Variants in FRAS1 observed in about 807,000 individuals in gnomAD.
FRAS1 encodes extracellular matrix organizing protein FRAS1.
Under a neutral mutation model 435.2 loss-of-function variants are expected in FRAS1, and 290 were observed. The ratio of observed to expected loss-of-function variants is 0.67; its 90% CI spans 0.61 to 0.73. The LOEUF (loss-of-function observed/expected upper bound fraction) is 0.73. Ranked by LOEUF, FRAS1 falls within the 30% of genes least tolerant of loss-of-function variation. FRAS1 has a pLI of 0.00. For synonymous variants in FRAS1, 1,800 were observed against 1,851.0 expected, an observed-to-expected ratio of 0.97 and a Z score of 0.71; for missense variants, 4,860 against 5,001.5, an observed-to-expected ratio of 0.97 and a Z score of 0.85.
intron 30 of FRAS1, among the ~76,000 whole-genome samples, chr4:78,406,677 T>TTAC (rs1578303652): frequency 1.6e-5 from 2 of 127,128 alleles, no homozygotes; most frequent in East Asian, 6.0e-4. Flanking sequence ...AGAAAGATGA[T>TTAC]CTTTAAGCAC....
chr4:78,261,635 T>C (rs1020213010), intron 6 of FRAS1, among the ~76,000 whole-genome samples: 3 of 150,890 alleles, frequency 2.0e-5, no homozygotes, highest in Non-Finnish European at 4.4e-5. Flanking sequence ...AGAAACACCC[T>C]TATCTCCGAA....
rs769796411 is a variant in FRAS1 at position 78,469,998 on chromosome 4, G to A, written c.7278G>A (p.Gln2426=). The change falls in exon 51 of 74, where the codon CAG becomes CAA. Residue 2426 remains glutamine (Q), a synonymous_variant. Coordinates refer to ENST00000512123, the MANE Select transcript of FRAS1 (RefSeq NM_025074.7). ...TTCAGATTATGACAGCAGCACCTCA[G>A]CCGTTCCGAGTAGACATCCTCCCGG... ...GGKEIMTAAP[Q]PFRVDILPVD... The A allele has an allele frequency of 6.2e-7, 1 of 1,613,584 alleles. No homozygotes were observed. The highest frequency in any genetic ancestry group is 1.1e-5 in the South Asian group (1 of 91,018).
At position 78,278,688 on chromosome 4, in the gene FRAS1, T is replaced by C; in HGVS notation, c.1015T>C (p.Cys339Arg). Residue 339 changes from cysteine (C) to arginine (R), a missense_variant, in exon 10 of 74, where the codon TGT becomes CGT. Transcript: ENST00000512123. ...ATTAATTCACTTAGATGGAAAGTGTTGTCCTGAATGCATTTCAAGGAATGG... is the reference window on the plus strand; with the variant it reads ...ATTAATTCACTTAGATGGAAAGTGTCGTCCTGAATGCATTTCAAGGAATGG... ...EELIHLDGKC[C>R]PECISRNGYC... 2 of 1,607,324 alleles carry C rather than the reference T, an allele frequency of 1.2e-6. No individual in the cohort carries two copies. Among genetic ancestry groups the C allele is most frequent in the Non-Finnish European group, 1.7e-6 (2 of 1,174,158 alleles).
chr4:78,115,233 G>A (rs564819425), intron 2 of FRAS1, among the ~76,000 whole-genome samples: 25 of 152,108 alleles, frequency 1.6e-4, no homozygotes, highest in South Asian at 1.0e-3. Context: ...CGGTTTGCCA[G>A]TATTTTATTG....
In FRAS1 at chr4:78,308,208, C is replaced by A. The variant is rs374815946; in HGVS notation, c.1677C>A (p.Ser559Arg). Residue 559 changes from serine to arginine, a missense_variant and splice_region_variant, in exon 15 of 74, where the codon AGC (serine) becomes AGA (arginine). Ser to Arg is a moderately radical substitution (Grantham distance 110, BLOSUM62 -1). Transcript: ENST00000512123. ...TCTACAACAGGCAGGGCACCTGTAG[C>A]GGTGAGTGCTGGGTTGCGATGCTGA... Reference protein sequence around the residue: ...KGFYNRQGTCSACDQSCDSCG... With the variant: ...KGFYNRQGTCRACDQSCDSCG... 6.2e-7 allele frequency: 1 copy of A among 1,613,732 alleles called. No individual in the cohort carries two copies. The highest frequency in any genetic ancestry group is 8.5e-7 in the Non-Finnish European group (1 of 1,179,746).
At chr4:78,117,763 C>T (rs553325331) in intron 2 of FRAS1, among the ~76,000 whole-genome samples, 2 of 152,336 alleles carry the variant, frequency 1.3e-5, no homozygotes, top group South Asian at 2.1e-4. Context: ...AACTTCTTTG[C>T]CATGGGTTCG....
intron 61 of FRAS1, among the ~76,000 whole-genome samples, chr4:78,500,742 C>A (rs1720651021): frequency 6.6e-6 from 1 of 152,142 alleles, no homozygotes; most frequent in Non-Finnish European, 1.5e-5. Flanking sequence ...GGGCTTCTGG[C>A]TCCATCCCAT....
intron 2 of FRAS1, among the ~76,000 whole-genome samples, chr4:78,209,725 C>G (rs191331389): frequency 6.6e-6 from 1 of 152,280 alleles, no homozygotes; most frequent in East Asian, 1.9e-4. Context: ...CCCTGGCTAA[C>G]TTATCTATTA....
rs71216219 is a variant in FRAS1, at chr4:78,518,422, G to GTATA, written c.10390-881_10390-878dup. ...GTTTTAAGCTAAGTTTTTTTGTTGT[G>GTATA]TATATATATATATATATATATATAT... On this transcript the variant is annotated intron_variant, in intron 66 of 73. Transcript: ENST00000512123. Among the ~76,000 whole-genome samples the GTATA allele has an allele frequency of 4.4e-3, 592 of 135,668 alleles. 8 individuals carry two copies. Among genetic ancestry groups the GTATA allele is most frequent in the African/African-American group, 0.015 (509 of 33,006 alleles). The allele number at this position is 135,668 out of a possible 152,430, so 89.0% of individuals were successfully genotyped here.
At position 78,366,071 on chromosome 4, in the gene FRAS1, T is replaced by C. The variant is rs189102924; in HGVS notation, c.2722+2017T>C. ...TCTGCAATAAGGGCTTTTGAGGAAA[T>C]GTAATCAGTATTAAGGGAGGCAGTC... On this transcript the variant is annotated intron_variant, in intron 22 of 73. Coordinates refer to ENST00000512123, the MANE Select transcript of FRAS1 (RefSeq NM_025074.7). 3.2e-4 allele frequency among the ~76,000 whole-genome samples: 49 copies of C among 152,214 alleles called. No homozygotes were observed. In the South Asian group the frequency reaches 3.7e-3, roughly 12 times the overall value.
intron 61 of FRAS1, among the ~76,000 whole-genome samples, chr4:78,502,460 T>C (rs1042730237): frequency 6.6e-6 from 1 of 152,182 alleles, no homozygotes; most frequent in African/African-American, 2.4e-5. Context: ...GATTCCTAGG[T>C]ATTTTATTCT....
intron 2 of FRAS1, among the ~76,000 whole-genome samples, chr4:78,103,869 C>T (rs1046338030): frequency 6.6e-6 from 1 of 152,164 alleles, no homozygotes; most frequent in Non-Finnish European, 1.5e-5. Flanking sequence ...GTTATAGCGG[C>T]CTAAATGGAC....
In FRAS1 at chr4:78,499,755, A is replaced by C. The variant is rs1220567487; in HGVS notation, c.9150A>C (p.Gln3050His). The change falls in exon 61 of 74, where the codon CAA becomes CAC. Residue 3050 changes from glutamine (Q) to histidine (H), a missense_variant. Gln to His is a conservative substitution (Grantham distance 24). Transcript: ENST00000512123. Reference sequence around the variant, plus strand: ...TTGAGTTTGAAGAAGCTGCATACCAAGTCCGGGAACCCGCAGGCCCAGATG... The same window carrying C: ...TTGAGTTTGAAGAAGCTGCATACCACGTCCGGGAACCCGCAGGCCCAGATG... ...PTIEFEEAAY[Q>H]VREPAGPDAI... 6.2e-7 allele frequency: 1 copy of C among 1,613,920 alleles called. No individual in the cohort carries two copies. Among genetic ancestry groups the C allele is most frequent in the Non-Finnish European group, 8.5e-7 (1 of 1,179,808 alleles).
chr4:78,185,814 T>C (rs1382944829), intron 2 of FRAS1, among the ~76,000 whole-genome samples: 1 of 152,224 alleles, frequency 6.6e-6, no homozygotes, highest in Non-Finnish European at 1.5e-5. Flanking sequence ...GTGATTTCTG[T>C]GTCTTTGTTC....
chr4:78,332,414 C>T (rs1729982838), intron 18 of FRAS1, among the ~76,000 whole-genome samples: 2 of 152,226 alleles, frequency 1.3e-5, no homozygotes, highest in Admixed American at 1.3e-4. Context: ...CATTAAAGGT[C>T]TGATGAAAGC....
chr4:78,403,689 C>T (rs1276701575), intron 30 of FRAS1, among the ~76,000 whole-genome samples: 1 of 152,140 alleles, frequency 6.6e-6, no homozygotes, highest in Non-Finnish European at 1.5e-5. Flanking sequence ...AGACTCACCA[C>T]CGTTTTCAGA....
chr4:78,263,378 T>C (rs1438602860), intron 6 of FRAS1, among the ~76,000 whole-genome samples: 7 of 152,236 alleles, frequency 4.6e-5, no homozygotes, highest in African/African-American at 1.4e-4. Flanking sequence ...CCAATAAGAT[T>C]TGGAAAGCAC....
rs373799644 is a variant in FRAS1, at chr4:78,419,015, A to G, written c.4492A>G (p.Ser1498Gly). Residue 1498 changes from serine (S) to glycine (G), a missense_variant, in exon 33 of 74, where the codon AGT (serine) becomes GGT (glycine). By Grantham distance (56) the Ser-to-Gly change is moderately conservative. Coordinates refer to ENST00000512123, the MANE Select transcript of FRAS1 (RefSeq NM_025074.7). ...SLSFINSEKP[S>G]GKIVYNITLP... Reference sequence around the variant, plus strand: ...CTCCTTCATAAACTCTGAGAAGCCAAGTGGAAAGATTGTCTACAACATCAC... The same window carrying G: ...CTCCTTCATAAACTCTGAGAAGCCAGGTGGAAAGATTGTCTACAACATCAC... 5.0e-6 allele frequency: 8 copies of G among 1,601,522 alleles called. No individual in the cohort carries two copies. The highest frequency in any genetic ancestry group is 6.8e-6 in the Non-Finnish European group (8 of 1,176,006).
chr4:78,193,342 CGTT>C (rs1366473786), intron 2 of FRAS1, among the ~76,000 whole-genome samples: 2 of 152,110 alleles, frequency 1.3e-5, no homozygotes, highest in Non-Finnish European at 2.9e-5. Context: ...CTTTCTGTCT[CGTT>C]GATCTGTCTA....
Sources: allele counts gnomAD v4.1 joint callset (sites outside exome capture counted in the v4.1 genomes callset), GRCh38; gene constraint gnomAD v4.1.1; transcripts MANE v1.5; gene names NCBI Gene and HGNC (gene_info 2026-07-23, HGNC 2026-07-21).